ZNF143: variants seen among roughly 807,000 people sequenced by gnomAD.
ZNF143 encodes the protein SPH-binding factor.
In ZNF143, 49 loss-of-function variants were observed where a neutral mutation model predicts 74.1. The observed-to-expected ratio is 0.66, with a 90% CI of 0.53 to 0.84. The LOEUF (loss-of-function observed/expected upper bound fraction) is 0.84. Ranked by LOEUF, ZNF143 falls within the 40% of genes least tolerant of loss-of-function variation. The pLI is 0.00. For synonymous variants in ZNF143, 304 were observed against 282.8 expected, an observed-to-expected ratio of 1.07 and a Z score of -0.75; for missense variants, 637 against 793.4, an observed-to-expected ratio of 0.80 and a Z score of 2.37.
chr11:9,496,236 T>A lies in ZNF143; in HGVS notation c.766-67T>A. 7 of 1,422,848 alleles carry A rather than the reference T, an allele frequency of 4.9e-6. No homozygotes were observed. In the Admixed American group the frequency reaches 8.7e-5, roughly 18 times the overall value. The allele number at this position is 1,422,848 out of a possible 1,614,324, so 88.1% of individuals were successfully genotyped here. On this transcript the variant is annotated intron_variant, in intron 8 of 15. Coordinates refer to ENST00000396602, the MANE Select transcript of ZNF143 (RefSeq NM_003442.6). The stretch of plus-strand genomic sequence containing the variant: ...TTAGCAGTGTGGGAAAAAGTAGTTC[T>A]GTGTTGCAACCATCTTCCTGAGGAA...
chr11:9,494,827 T>C (rs957072586), intron 8 of ZNF143, 62 bp downstream of exon 8: 1 of 1,512,760 alleles, frequency 6.6e-7, no homozygotes. Context: ...AATACTAAGA[T>C]CATATTTTTG....
At chr11:9,466,888 TTGTG>T (rs537245554) in intron 1 of ZNF143, among the ~76,000 whole-genome samples, 3 of 151,402 alleles carry the variant, frequency 2.0e-5, no homozygotes, top group Non-Finnish European at 4.4e-5. Flanking sequence ...TGGTTTTTTT[TTGTG>T]TGTGTGTGTG....
chr11:9,493,006 C>A lies in ZNF143; in HGVS notation c.646-1640C>A, dbSNP rs531913923. On this transcript the variant is annotated intron_variant, in intron 7 of 15. Coordinates refer to ENST00000396602, the MANE Select transcript of ZNF143 (RefSeq NM_003442.6). The stretch of plus-strand genomic sequence containing the variant: ...AGAAAAAATGTGGAATTATATTATT[C>A]TTTGTATAGGCACTTTTCAGTCTAT... 6.6e-5 allele frequency among the ~76,000 whole-genome samples: 10 copies of A among 150,964 alleles called. No individual in the cohort carries two copies. In the South Asian group the frequency reaches 1.1e-3, roughly 16 times the overall value.
In ZNF143 at chr11:9,478,168, G is replaced by A. The variant is rs1411549973; in HGVS notation, c.374-222G>A. ...TTTTCTGATTGCTAAGGAAAGTGAT[G>A]TTACTTCTCCAAACCTGAGTTCCCA... On this transcript the variant is annotated intron_variant, in intron 5 of 15. Coordinates refer to ENST00000396602, the MANE Select transcript of ZNF143 (RefSeq NM_003442.6). Among the ~76,000 whole-genome samples, 4 of 152,178 alleles carry A rather than the reference G, an allele frequency of 2.6e-5. No individual in the cohort carries two copies. In the South Asian group the frequency reaches 6.2e-4, roughly 24 times the overall value.
Position 9,474,610 on chromosome 11 carries a change from C to CA in ZNF143, c.351dup (p.Phe118IlefsTer9). The CA allele has an allele frequency of 6.2e-7, 1 of 1,614,094 alleles. No individual in the cohort carries two copies. Among genetic ancestry groups the CA allele is most frequent in the Non-Finnish European group, 8.5e-7 (1 of 1,180,020 alleles). Reference sequence around the variant, plus strand: ...GTACAGTTAGAAGATGGTACCACAGCATTTATTCACCACACCTCCAAAGGT... The same window carrying CA: ...GTACAGTTAGAAGATGGTACCACAGCAATTTATTCACCACACCTCCAAAGGT... On this transcript the variant is annotated frameshift_variant, in exon 5 of 16. Coordinates refer to ENST00000396602, the MANE Select transcript of ZNF143 (RefSeq NM_003442.6). LOFTEE classifies it high-confidence loss of function.
At chr11:9,519,436 G>A (rs1848836396) in intron 14 of ZNF143, among the ~76,000 whole-genome samples, 1 of 152,062 alleles carries the variant, frequency 6.6e-6, no homozygotes, top group African/African-American at 2.4e-5. Context: ...GTGAGCCACC[G>A]CACCCAGCTT....
At chr11:9,462,792 T>C (rs190723448) in intron 1 of ZNF143, among the ~76,000 whole-genome samples, 208 of 152,204 alleles carry the variant, frequency 1.4e-3, no homozygotes, top group Admixed American at 3.7e-3. Context: ...GGAGAATCGC[T>C]TGAACCCAGG....
chr11:9,492,745 A>T (rs1482926592), intron 7 of ZNF143, among the ~76,000 whole-genome samples: 1 of 152,194 alleles, frequency 6.6e-6, no homozygotes, highest in African/African-American at 2.4e-5. Context: ...TTCAGGGTGA[A>T]CCTAGCACTG....
At chr11:9,461,466 C>T (rs1855836604) in intron 1 of ZNF143, among the ~76,000 whole-genome samples, 1 of 152,120 alleles carries the variant, frequency 6.6e-6, no homozygotes, top group African/African-American at 2.4e-5. Flanking sequence ...CCCCAGGCGC[C>T]GCCGAGGCAG....
intron 10 of ZNF143, 46 bp from the exon 11 acceptor site, chr11:9,501,045 C>A: frequency 6.2e-7 from 1 of 1,601,528 alleles, no homozygotes; most frequent in East Asian, 2.2e-5. Flanking sequence ...TTTTAATCCT[C>A]TATATATTTT....
intron 1 of ZNF143, among the ~76,000 whole-genome samples, chr11:9,470,317 A>T (rs1856495613): frequency 6.6e-6 from 1 of 152,214 alleles, no homozygotes; most frequent in African/African-American, 2.4e-5. Context: ...GTCCATTCTC[A>T]TGGAAGGGGA....
intron 10 of ZNF143, 126 bp downstream of exon 10, chr11:9,497,926 G>A (rs201474612): frequency 1.5e-6 from 1 of 648,340 alleles, no homozygotes; most frequent in Non-Finnish European, 2.4e-6. Flanking sequence ...CGCCTCCCGG[G>A]TTCACGCCAT....
chr11:9,508,248 A>G (rs1848429087), intron 11 of ZNF143, among the ~76,000 whole-genome samples: 1 of 152,258 alleles, frequency 6.6e-6, no homozygotes, highest in Non-Finnish European at 1.5e-5. Flanking sequence ...AAGCTGCATA[A>G]GTTACGATAA....
chr11:9,462,717 A>G (rs995521559), intron 1 of ZNF143, among the ~76,000 whole-genome samples: 1 of 151,994 alleles, frequency 6.6e-6, no homozygotes, highest in Non-Finnish European at 1.5e-5. Context: ...TCTGCGAAAA[A>G]TACAAAAATT....
intron 8 of ZNF143, among the ~76,000 whole-genome samples, chr11:9,495,988 G>C (rs1431608026): frequency 6.6e-6 from 1 of 152,064 alleles, no homozygotes; most frequent in African/African-American, 2.4e-5. Flanking sequence ...ACATTGTGTA[G>C]TCTCTCCCAG....
intron 1 of ZNF143, among the ~76,000 whole-genome samples, chr11:9,467,290 C>T (rs1856294346): frequency 6.7e-6 from 1 of 148,846 alleles, no homozygotes. Context: ...GGCTGGAGTG[C>T]AGTGGCACCA....
chr11:9,527,922 A>T lies in ZNF143; in HGVS notation c.*309A>T. 1 of 193,362 alleles carries T rather than the reference A, an allele frequency of 5.2e-6. No individual in the cohort carries two copies. Among genetic ancestry groups the T allele is most frequent in the Non-Finnish European group, 1.1e-5 (1 of 94,974 alleles). 12.0% of individuals were successfully genotyped at this position (193,362 alleles called of 1,614,324 possible). A position where few individuals can be genotyped will look rare whatever the true frequency, so the allele number is the denominator to read the frequency against. ...ATGCAAGACTAGTAAAGTCTTATGG[A>T]GTCTTATGATGGATTTTTAACTTCC... On this transcript the variant is annotated 3_prime_UTR_variant, in exon 16 of 16. Coordinates refer to ENST00000396602, the MANE Select transcript of ZNF143 (RefSeq NM_003442.6).
At position 9,461,315 on chromosome 11, in the gene ZNF143, C is replaced by T. The variant is rs376343945; in HGVS notation, c.-8+239C>T. ...GGAGCTTTTTTCGTTGAGGACTCAA[C>T]TCCCCCCAGCTTGTCTCTGAGCGAT... On this transcript the variant is annotated intron_variant, in intron 1 of 15. Coordinates refer to ENST00000396602, the MANE Select transcript of ZNF143 (RefSeq NM_003442.6). Among the ~76,000 whole-genome samples, 399 of 152,288 alleles carry T rather than the reference C, an allele frequency of 2.6e-3. 6 individuals are homozygous for T. The South Asian group carries it at 0.034, about 13-fold the overall frequency.
chr11:9,510,256 C>G (rs1335315214), intron 12 of ZNF143, among the ~76,000 whole-genome samples: 1 of 151,842 alleles, frequency 6.6e-6, no homozygotes, highest in Non-Finnish European at 1.5e-5. Flanking sequence ...TCCTGAGTAG[C>G]TGGGACTACA....
Sources: gnomAD v4.1 joint callset for allele counts (sites outside exome capture counted in the v4.1 genomes callset) on GRCh38, gnomAD v4.1.1 for gene constraint, MANE v1.5 for transcripts, NCBI Gene and HGNC (gene_info 2026-07-23, HGNC 2026-07-21) for gene names.